EML6: variants seen among roughly 807,000 people sequenced by gnomAD.
EML6 encodes EMAP like 6.
In EML6, 154 loss-of-function variants were observed where a neutral mutation model predicts 240.1. That is an observed-to-expected ratio of 0.64 (90% confidence interval 0.56 to 0.73). The LOEUF (loss-of-function observed/expected upper bound fraction) is 0.73, where lower values mean the gene tolerates loss of function less well. Among genes scored for constraint, EML6 ranks in the 30% least tolerant of loss-of-function variants. EML6 has a pLI of 0.00. For synonymous variants in EML6, 1,148 were observed against 899.0 expected, an observed-to-expected ratio of 1.28 and a Z score of -4.95; for missense variants, 2,964 against 2,474.6, an observed-to-expected ratio of 1.20 and a Z score of -4.20.
At chr2:54,776,948 T>G (rs550386409) in intron 2 of EML6, among the ~76,000 whole-genome samples, 3 of 152,224 alleles carry the variant, frequency 2.0e-5, no homozygotes, top group Admixed American at 1.3e-4. Flanking sequence ...TTTAAGAGAT[T>G]CTTTGGTTTA....
Position 54,903,529 on chromosome 2 carries a change from A to G in EML6, c.3409+27A>G, listed in dbSNP as rs760626001. The G allele has an allele frequency of 1.8e-5, 28 of 1,523,556 alleles. No homozygotes were observed. The South Asian group carries it at 3.4e-4, about 18-fold the overall frequency. The allele number at this position is 1,523,556 out of a possible 1,614,324, so 94.4% of individuals were successfully genotyped here. A position where few individuals can be genotyped will look rare whatever the true frequency, so the allele number is the denominator to read the frequency against. On this transcript the variant is annotated intron_variant, in intron 24 of 41. Transcript: ENST00000356458. The stretch of plus-strand genomic sequence containing the variant: ...TAAAGTATGTTGTGGCTTTTAAAAT[A>G]GAATTTCTGTGTTTAAAAAATGTCC...
At chr2:54,825,220 A>T (rs1471964137) in intron 5 of EML6, among the ~76,000 whole-genome samples, 1 of 152,216 alleles carries the variant, frequency 6.6e-6, no homozygotes, top group Admixed American at 6.5e-5. Context: ...AGGTGTAAAG[A>T]GAAAGGGAAC....
At chr2:54,852,548 A>T (rs1252917319) in intron 10 of EML6, among the ~76,000 whole-genome samples, 3 of 152,168 alleles carry the variant, frequency 2.0e-5, no homozygotes, top group African/African-American at 7.2e-5. Context: ...GGAATTCCAA[A>T]TGCCCCTGTA....
At chr2:54,898,071 G>A (rs1272067290) in intron 21 of EML6, among the ~76,000 whole-genome samples, 2 of 152,050 alleles carry the variant, frequency 1.3e-5, no homozygotes, top group African/African-American at 4.8e-5. Flanking sequence ...GGGGAGAATG[G>A]CAGGTGATGG....
At chr2:54,940,072 A>T (rs1177469773) in intron 28 of EML6, among the ~76,000 whole-genome samples, 1 of 152,244 alleles carries the variant, frequency 6.6e-6, no homozygotes, top group East Asian at 1.9e-4. Flanking sequence ...CTTTTACCAA[A>T]CCAAAATTAG....
chr2:54,848,656 C>G, intron 9 of EML6, among the ~76,000 whole-genome samples: 1 of 151,976 alleles, frequency 6.6e-6, no homozygotes, highest in East Asian at 1.9e-4. Context: ...ATTTGCTATT[C>G]TTTATGTATT....
chr2:54,747,437 C>T (rs1683962512), intron 2 of EML6: 1 of 152,144 alleles, frequency 6.6e-6, no homozygotes, highest in South Asian at 2.1e-4. Flanking sequence ...TGGCAACATA[C>T]TACTATAGGA....
At chr2:54,935,158 C>A (rs1675072721) in intron 28 of EML6, among the ~76,000 whole-genome samples, 1 of 152,170 alleles carries the variant, frequency 6.6e-6, no homozygotes, top group Admixed American at 6.5e-5. Context: ...AGCAGACACT[C>A]CTTTGGTTGG....
intron 8 of EML6, among the ~76,000 whole-genome samples, chr2:54,844,724 A>G (rs17046413): frequency 0.083 from 12,602 of 152,294 alleles, 818 homozygotes; most frequent in East Asian, 0.29. Context: ...GAAATTTTGA[A>G]CAGCATCATC....
rs530856807 is a variant in EML6, at chr2:54,911,124, C to T, written c.3498+82C>T. The T allele has an allele frequency of 2.1e-4, 149 of 700,262 alleles. 2 individuals are homozygous for T. In the African/African-American group the frequency reaches 2.6e-3, roughly 12 times the overall value. 43.4% of individuals were successfully genotyped at this position (700,262 alleles called of 1,614,324 possible). A position where few individuals can be genotyped will look rare whatever the true frequency, so the allele number is the denominator to read the frequency against. Reference sequence around the variant, plus strand: ...TTTTAATAAAACCTATCACGTTAACCACTAATATGGGTTATATTTACTATA... The same window carrying T: ...TTTTAATAAAACCTATCACGTTAACTACTAATATGGGTTATATTTACTATA... On this transcript the variant is annotated intron_variant, in intron 25 of 41. Coordinates refer to ENST00000356458, the MANE Select transcript of EML6 (RefSeq NM_001039753.4).
At position 54,871,556 on chromosome 2, in the gene EML6, G is replaced by T. The variant is rs766342942; in HGVS notation, c.2295G>T (p.Ser765=). 6.4e-7 allele frequency: 1 copy of T among 1,551,750 alleles called. No individual in the cohort carries two copies. The highest frequency in any genetic ancestry group is 2.0e-5 in the Admixed American group (1 of 51,010). ...VWDTQTLKCL[S]LLKGQHQRGV... ...ACACACAAACTCTAAAATGTTTGTC[G>T]CTGTTGAAAGGACAACATCAGAGAG... The change falls in exon 16 of 42, where the codon TCG becomes TCT. Residue 765 remains serine, a synonymous_variant. Transcript: ENST00000356458.
intron 38 of EML6, 90 bp downstream of exon 38, chr2:54,964,823 C>T (rs1408174417): frequency 8.1e-7 from 1 of 1,234,710 alleles, no homozygotes; most frequent in Admixed American, 2.3e-5. Flanking sequence ...TACTGTGTAC[C>T]AGGCAATGTG....
At chr2:54,931,501 C>T (rs1479620888) in intron 28 of EML6, among the ~76,000 whole-genome samples, 2 of 152,120 alleles carry the variant, frequency 1.3e-5, no homozygotes, top group African/African-American at 4.8e-5. Flanking sequence ...CAGCAGTGGC[C>T]AGCTTCTCCC....
At position 54,846,590 on chromosome 2, in the gene EML6, C is replaced by T. The variant is rs74624898; in HGVS notation, c.1050-896C>T. ...CCTTGAACTCCTAGGCTCAAGCTAT[C>T]CTCCTACCTCAGCCTCCCAAGTAGC... On this transcript the variant is annotated intron_variant, in intron 8 of 41. Transcript: ENST00000356458. Among the ~76,000 whole-genome samples the T allele has an allele frequency of 4.2e-4, 64 of 151,174 alleles. No homozygotes were observed. The East Asian group carries it at 0.011, about 25-fold the overall frequency.
chr2:54,768,205 T>C (rs1668268670), intron 2 of EML6, among the ~76,000 whole-genome samples: 1 of 152,148 alleles, frequency 6.6e-6, no homozygotes, highest in African/African-American at 2.4e-5. Context: ...TTGAGAACAA[T>C]GAAAACATGT....
intron 2 of EML6, among the ~76,000 whole-genome samples, chr2:54,734,002 G>A (rs187055182): frequency 9.8e-4 from 149 of 152,282 alleles, no homozygotes; most frequent in African/African-American, 3.3e-3. Context: ...TTGAGGACAA[G>A]AAAAGGTAAG....
intron 18 of EML6, among the ~76,000 whole-genome samples, chr2:54,891,624 A>G (rs914058207): frequency 6.6e-6 from 1 of 152,240 alleles, no homozygotes; most frequent in African/African-American, 2.4e-5. Context: ...GTAAATAAGC[A>G]TGAGAAAACA....
chr2:54,808,835 G>A (rs1170368376), intron 2 of EML6, among the ~76,000 whole-genome samples: 1 of 152,140 alleles, frequency 6.6e-6, no homozygotes, highest in East Asian at 1.9e-4. Flanking sequence ...AGGAAGACAT[G>A]CTTTTCCCTC....
At chr2:54,742,216 A>G (rs1683676396) in intron 2 of EML6, among the ~76,000 whole-genome samples, 1 of 152,196 alleles carries the variant, frequency 6.6e-6, no homozygotes, top group Non-Finnish European at 1.5e-5. Flanking sequence ...TGCTTCTGGA[A>G]TGCGACCCTA....
Sources: allele counts gnomAD v4.1 joint callset (sites outside exome capture counted in the v4.1 genomes callset), GRCh38; gene constraint gnomAD v4.1.1; transcripts MANE v1.5; gene names NCBI Gene and HGNC (gene_info 2026-07-23, HGNC 2026-07-21).